Variants in PALLD observed in about 807,000 individuals in gnomAD.
PALLD encodes palladin.
In PALLD, 61 loss-of-function variants were observed where a neutral mutation model predicts 123.5. The ratio of observed to expected loss-of-function variants is 0.49; its 90% CI spans 0.40 to 0.61. The LOEUF (loss-of-function observed/expected upper bound fraction) is 0.61, where lower values mean the gene tolerates loss of function less well. Ranked by LOEUF, PALLD falls within the 20% of genes least tolerant of loss-of-function variation. PALLD has a pLI of 0.00. For synonymous variants in PALLD, 465 were observed against 496.4 expected, an observed-to-expected ratio of 0.94 and a Z score of 0.84; for missense variants, 1,273 against 1,377.0, an observed-to-expected ratio of 0.92 and a Z score of 1.20.
chr4:168,588,829 A>G (rs780123125), intron 2 of PALLD, among the ~76,000 whole-genome samples: 41 of 152,232 alleles, frequency 2.7e-4, no homozygotes, highest in Non-Finnish European at 4.9e-4. Flanking sequence ...GCCGTGTTCA[A>G]TCTCTATCAG....
intron 2 of PALLD, among the ~76,000 whole-genome samples, chr4:168,531,673 A>T (rs1407794970): frequency 1.3e-5 from 2 of 152,240 alleles, no homozygotes; most frequent in African/African-American, 4.8e-5. Flanking sequence ...GAATGCTGAT[A>T]GAAAAATCCT....
intron 6 of PALLD, among the ~76,000 whole-genome samples, chr4:168,686,939 G>T (rs538963492): frequency 1.3e-5 from 2 of 152,324 alleles, no homozygotes; most frequent in South Asian, 4.1e-4. Context: ...AGAAATTGAT[G>T]TGTAATCGGA....
chr4:168,514,844 T>C lies in PALLD; in HGVS notation c.908+2432T>C, dbSNP rs148182408. Among the ~76,000 whole-genome samples, 1,032 of 152,308 alleles carry C rather than the reference T, an allele frequency of 6.8e-3. 6 individuals carry two copies. Among genetic ancestry groups the C allele is most frequent in the African/African-American group, 0.023 (973 of 41,558 alleles). On this transcript the variant is annotated intron_variant, in intron 2 of 21. Transcript: ENST00000505667. The stretch of plus-strand genomic sequence containing the variant: ...AGGATTAATTCAGGTGAACAGACCA[T>C]AATTACTGTATTAAAATTCACTTAA...
At chr4:168,886,637 AGTC>A (rs918159305) in intron 10 of PALLD, among the ~76,000 whole-genome samples, 7 of 152,168 alleles carry the variant, frequency 4.6e-5, no homozygotes, top group African/African-American at 1.7e-4. Context: ...AGCAAAACCC[AGTC>A]TATAAAAAGA....
At chr4:168,649,024 T>G (rs1777770268) in intron 2 of PALLD, 1 of 152,230 alleles carries the variant, frequency 6.6e-6, no homozygotes, top group Non-Finnish European at 1.5e-5. Context: ...TAGACTTCTT[T>G]TACTTCTTCA....
At position 168,927,715 on chromosome 4, in the gene PALLD, A is replaced by T. The variant is rs2126634591; in HGVS notation, c.*1535A>T. On this transcript the variant is annotated 3_prime_UTR_variant, in exon 22 of 22. Coordinates refer to ENST00000505667, the MANE Select transcript of PALLD (RefSeq NM_001166108.2). Reference sequence around the variant, plus strand: ...GGTTTGTAAAGGCATCTCGGTAAAGACTGCTTTTTGAATGCATATGATTTT... The same window carrying T: ...GGTTTGTAAAGGCATCTCGGTAAAGTCTGCTTTTTGAATGCATATGATTTT... The T allele has an allele frequency of 4.5e-6, 1 of 223,996 alleles. No individual in the cohort carries two copies. Among genetic ancestry groups the T allele is most frequent in the South Asian group, 1.8e-4 (1 of 5,458 alleles). The allele number at this position is 223,996 out of a possible 1,614,324, so 13.9% of individuals were successfully genotyped here.
chr4:168,705,746 C>T (rs890380423), intron 8 of PALLD, among the ~76,000 whole-genome samples: 10 of 152,184 alleles, frequency 6.6e-5, no homozygotes, highest in African/African-American at 2.2e-4. Context: ...AAGCAATTCT[C>T]CTGCCTCAGC....
chr4:168,570,765 G>A (rs1768898018), intron 2 of PALLD, among the ~76,000 whole-genome samples: 2 of 152,106 alleles, frequency 1.3e-5, no homozygotes, highest in Admixed American at 1.3e-4. Context: ...AAGATCCAAT[G>A]TCCTGAAGTC....
chr4:168,777,871 C>T (rs1735385877), intron 10 of PALLD, among the ~76,000 whole-genome samples: 1 of 152,204 alleles, frequency 6.6e-6, no homozygotes, highest in East Asian at 1.9e-4. Flanking sequence ...TCTTGGGTCT[C>T]ATCACCAGTC....
chr4:168,761,655 T>TG (rs1561493867), intron 10 of PALLD, among the ~76,000 whole-genome samples: 50 of 39,662 alleles, frequency 1.3e-3, no homozygotes, highest in Non-Finnish European at 1.8e-3. Flanking sequence ...GTTTTTTTTT[T>TG]TTTTTTTTTT....
At chr4:168,674,158 G>A (rs538219092) in intron 3 of PALLD, among the ~76,000 whole-genome samples, 3 of 152,192 alleles carry the variant, frequency 2.0e-5, no homozygotes, top group Admixed American at 6.5e-5. Context: ...CAAGTGATCC[G>A]CCCACCTTGG....
At chr4:168,621,012 G>A (rs182876571) in intron 2 of PALLD, among the ~76,000 whole-genome samples, 1 of 152,178 alleles carries the variant, frequency 6.6e-6, no homozygotes, top group Admixed American at 6.5e-5. Flanking sequence ...CCAAGTGGTG[G>A]GGCCTGGCAA....
chr4:168,609,345 C>CAAAA (rs5863949), intron 2 of PALLD, among the ~76,000 whole-genome samples: 10,080 of 71,244 alleles, frequency 0.14, 830 homozygotes, highest in East Asian at 0.37. Context: ...AAGCTGTTAC[C>CAAAA]AAAAAAAAAA....
chr4:168,518,800 A>C (rs1486399902), intron 2 of PALLD, among the ~76,000 whole-genome samples: 3 of 152,214 alleles, frequency 2.0e-5, no homozygotes, highest in African/African-American at 7.2e-5. Flanking sequence ...CTTCACTAGA[A>C]TATAAAATCC....
intron 10 of PALLD, among the ~76,000 whole-genome samples, chr4:168,799,542 G>C (rs1428967892): frequency 6.6e-6 from 1 of 152,162 alleles, no homozygotes; most frequent in Non-Finnish European, 1.5e-5. Flanking sequence ...ATAGGGTTTG[G>C]AATTCAAGTC....
intron 2 of PALLD, chr4:168,536,547 C>T (rs1395961871): frequency 6.6e-6 from 1 of 152,192 alleles, no homozygotes; most frequent in African/African-American, 2.4e-5. Context: ...AGGAAACTTA[C>T]AATTATGGCG....
At chr4:168,776,236 G>C (rs926012448) in intron 10 of PALLD, among the ~76,000 whole-genome samples, 2 of 152,126 alleles carry the variant, frequency 1.3e-5, no homozygotes, top group Non-Finnish European at 2.9e-5. Context: ...AGTGTAACAG[G>C]TCTTGTACAT....
chr4:168,533,842 T>C (rs1764839454), intron 2 of PALLD, among the ~76,000 whole-genome samples: 1 of 152,186 alleles, frequency 6.6e-6, no homozygotes, highest in Non-Finnish European at 1.5e-5. Context: ...GAGAGATCAA[T>C]GTCACAGCTA....
chr4:168,847,722 T>C (rs1165089087), intron 10 of PALLD, among the ~76,000 whole-genome samples: 1 of 152,182 alleles, frequency 6.6e-6, no homozygotes, highest in African/African-American at 2.4e-5. Context: ...ATATGGGCTA[T>C]TTGGATATGG....
Sources: gnomAD v4.1 joint callset for allele counts (sites outside exome capture counted in the v4.1 genomes callset) on GRCh38, gnomAD v4.1.1 for gene constraint, MANE v1.5 for transcripts, NCBI Gene and HGNC (gene_info 2026-07-23, HGNC 2026-07-21) for gene names.